The following AXL variants were observed in gnomAD, a reference collection of about 807,000 sequenced individuals.
AXL encodes AXL receptor tyrosine kinase, also known as tyrosine-protein kinase receptor UFO.
Under a neutral mutation model 104.5 loss-of-function variants are expected in AXL, and 52 were observed. The ratio of observed to expected loss-of-function variants is 0.50; its 90% CI spans 0.40 to 0.63. The LOEUF is 0.63. AXL is among the 20% of genes least tolerant of loss of function. The pLI is 0.00. For missense variants in AXL, 1,024 were observed against 1,188.5 expected (o/e 0.86, Z 2.04); for synonymous variants, 455 against 473.7 (o/e 0.96, Z 0.51).
At chr19:41,223,539 G>T (rs1245904201) in intron 4 of AXL, among the ~76,000 whole-genome samples, 1 of 152,190 alleles carries the variant, frequency 6.6e-6, no homozygotes, top group Non-Finnish European at 1.5e-5. Flanking sequence ...AGCCTGGAGG[G>T]CATCAGCTTC....
At chr19:41,242,407 T>A (rs2122245643) in intron 10 of AXL, among the ~76,000 whole-genome samples, 1 of 132,924 alleles carries the variant, frequency 7.5e-6, no homozygotes, top group South Asian at 2.5e-4. Context: ...CACTGAAACC[T>A]CCACCTCCCA....
intron 4 of AXL, among the ~76,000 whole-genome samples, chr19:41,230,546 CTGTGTGTA>C (rs2033965245): frequency 7.8e-6 from 1 of 128,336 alleles, no homozygotes; most frequent in African/African-American, 3.0e-5. Context: ...GTCTGTGTGT[CTGTGTGTA>C]TGAGTGTGTG....
chr19:41,255,300 CTCTTTCTTTCTTTT>C (rs2034434594), intron 17 of AXL, among the ~76,000 whole-genome samples: 1 of 151,606 alleles, frequency 6.6e-6, no homozygotes, highest in Non-Finnish European at 1.5e-5. Context: ...TTCTTTTTTT[CTCTTTCTTTCTTTT>C]TCTTTCTTTT....
intron 11 of AXL, 121 bp from the exon 12 acceptor site, chr19:41,243,495 C>T: frequency 1.2e-6 from 1 of 800,884 alleles, no homozygotes; most frequent in African/African-American, 1.7e-5. Context: ...GCATGCTCAG[C>T]AAATGTTAGC....
chr19:41,233,116 A>T (rs886198255), intron 6 of AXL, among the ~76,000 whole-genome samples: 10 of 151,290 alleles, frequency 6.6e-5, no homozygotes, highest in Non-Finnish European at 1.2e-4. Context: ...CAGCCTCCTG[A>T]GTAGCTGGTA....
chr19:41,225,637 C>G (rs528271124), intron 4 of AXL, among the ~76,000 whole-genome samples: 17 of 152,262 alleles, frequency 1.1e-4, no homozygotes, highest in Admixed American at 3.3e-4. Context: ...GTTTGTCCCA[C>G]GTTGGCTTGT....
intron 4 of AXL, 85 bp from the exon 5 acceptor site, chr19:41,230,882 G>A (rs900132386): frequency 2.1e-6 from 3 of 1,422,740 alleles, no homozygotes; most frequent in South Asian, 2.3e-5. Flanking sequence ...GGTCAGGCAG[G>A]CCATGGTAGG....
At chr19:41,247,085 T>C (rs1341874254) in intron 12 of AXL, among the ~76,000 whole-genome samples, 1 of 152,192 alleles carries the variant, frequency 6.6e-6, no homozygotes, top group East Asian at 1.9e-4. Flanking sequence ...GAATATACTA[T>C]GTGATTCCAT....
Position 41,219,396 on chromosome 19 carries a change from G to A in AXL, c.4G>A (p.Ala2Thr). 2.5e-6 allele frequency: 4 copies of A among 1,596,748 alleles called. No homozygotes were observed. Among genetic ancestry groups the A allele is most frequent in the Non-Finnish European group, 3.4e-6 (4 of 1,172,208 alleles). M[A>T]WRCPRMGRVP... Reference sequence around the variant, plus strand: ...TTCTGAGGAAAGTTTGGCACCCATGGCGTGGCGGTGCCCCAGGATGGGCAG... The same window carrying A: ...TTCTGAGGAAAGTTTGGCACCCATGACGTGGCGGTGCCCCAGGATGGGCAG... The change falls in exon 1 of 20, where the codon GCG becomes ACG. Residue 2 changes from alanine to threonine, a missense_variant. By Grantham distance (58) the Ala-to-Thr change is moderately conservative. This residue lies in a region of AXL where 124 missense variants were observed against 115.5 expected (regional missense o/e 1.07). Coordinates refer to ENST00000301178, the MANE Select transcript of AXL (RefSeq NM_021913.5).
intron 19 of AXL, among the ~76,000 whole-genome samples, chr19:41,258,674 C>G (rs780570828): frequency 2.0e-5 from 3 of 152,186 alleles, no homozygotes; most frequent in Non-Finnish European, 4.4e-5. Context: ...TCCCAGCCTC[C>G]CAAAGTGCTG....
At position 41,247,609 on chromosome 19, in the gene AXL, G is replaced by C. The variant is rs576047404; in HGVS notation, c.1538-905G>C. ...TTGTGTGTGTGTTTTGTTTGAGATGGGGTCTTGCTCTGTCACCCAGGCTGG... is the reference window on the plus strand; with the variant it reads ...TTGTGTGTGTGTTTTGTTTGAGATGCGGTCTTGCTCTGTCACCCAGGCTGG... On this transcript the variant is annotated intron_variant, in intron 12 of 19. Coordinates refer to ENST00000301178, the MANE Select transcript of AXL (RefSeq NM_021913.5). Among the ~76,000 whole-genome samples, 5 of 152,302 alleles carry C rather than the reference G, an allele frequency of 3.3e-5. 1 individual carries two copies. Among genetic ancestry groups the C allele is most frequent in the African/African-American group, 1.2e-4 (5 of 41,560 alleles).
intron 12 of AXL, among the ~76,000 whole-genome samples, chr19:41,245,234 G>GC (rs1014844997): frequency 7.2e-5 from 11 of 152,148 alleles, no homozygotes; most frequent in African/African-American, 2.7e-4. Context: ...ACTCTGAACT[G>GC]CCACACTCTA....
At chr19:41,224,108 G>A (rs8110936) in intron 4 of AXL, among the ~76,000 whole-genome samples, 1,543 of 151,992 alleles carry the variant, frequency 0.01, 36 homozygotes, top group African/African-American at 0.035. Flanking sequence ...GTGTGTGTGC[G>A]CATGATGGAG....
Position 41,231,203 on chromosome 19 carries a change from A to C in AXL, c.688A>C (p.Asn230His). 1 of 1,613,556 alleles carries C rather than the reference A, an allele frequency of 6.2e-7. No individual in the cohort carries two copies. Among genetic ancestry groups the C allele is most frequent in the Non-Finnish European group, 8.5e-7 (1 of 1,179,722 alleles). ...TITVLPQQPRNLHLVSRQPTE... is the reference protein window; with the variant it reads ...TITVLPQQPRHLHLVSRQPTE... Reference sequence around the variant, plus strand: ...CACAGTGCTCCCCCAGCAGCCCCGTAACCTCCACCTGGTCTCCCGCCAACC... The same window carrying C: ...CACAGTGCTCCCCCAGCAGCCCCGTCACCTCCACCTGGTCTCCCGCCAACC... The change falls in exon 6 of 20, where the codon AAC becomes CAC. Residue 230 changes from asparagine to histidine, a missense_variant. Physicochemically the swap from Asn to His is moderately conservative, Grantham distance 68 (BLOSUM62 1). Around this residue, in one of 5 missense-constraint regions of AXL, gnomAD observed 332 missense variants for 343.9 expected, o/e 0.97. Coordinates refer to ENST00000301178, the MANE Select transcript of AXL (RefSeq NM_021913.5).
chr19:41,243,275 C>T (rs2034214834), intron 11 of AXL, among the ~76,000 whole-genome samples: 2 of 152,152 alleles, frequency 1.3e-5, no homozygotes, highest in African/African-American at 4.8e-5. Context: ...CAAAAATTAG[C>T]GGGAAGTGTA....
chr19:41,219,546 G>A (rs2033747259), intron 1 of AXL, 69 bp downstream of exon 1: 5 of 1,502,360 alleles, frequency 3.3e-6, no homozygotes, highest in South Asian at 1.2e-5. Context: ...GGAGGTGGGG[G>A]ATGATGGCAG....
intron 10 of AXL, 57 bp from the exon 11 acceptor site, chr19:41,242,826 C>A: frequency 6.2e-7 from 1 of 1,605,882 alleles, no homozygotes; most frequent in Non-Finnish European, 8.5e-7. Context: ...CCCTTTGGGT[C>A]CCAGAGAGCT....
chr19:41,256,503 G>T lies in AXL; in HGVS notation c.2088G>T (p.Lys696Asn), dbSNP rs2034454653. ...VCVADFGLSK[K>N]IYNGDYYRQG... The stretch of plus-strand genomic sequence containing the variant: ...TGGCGGACTTCGGGCTCTCCAAGAA[G>T]ATCTACAATGGGGACTACTACCGCC... Residue 696 changes from lysine (K) to asparagine (N), a missense_variant, in exon 18 of 20, where the codon AAG becomes AAT. This residue lies in a region of AXL where 523 missense variants were observed against 636.0 expected (regional missense o/e 0.82). Transcript: ENST00000301178. 3 of 1,614,190 alleles carry T rather than the reference G, an allele frequency of 1.9e-6. No individual in the cohort carries two copies. Among genetic ancestry groups the T allele is most frequent in the Non-Finnish European group, 2.5e-6 (3 of 1,180,030 alleles).
chr19:41,219,519 G>C (rs1280530525), intron 1 of AXL, 42 bp downstream of exon 1: 1 of 1,569,962 alleles, frequency 6.4e-7, no homozygotes, highest in Non-Finnish European at 8.6e-7. Flanking sequence ...CCCCTCGGAG[G>C]GGCTGGGGCA....
Sources: allele counts gnomAD v4.1 joint callset (sites outside exome capture counted in the v4.1 genomes callset), GRCh38; gene constraint gnomAD v4.1.1; regional missense constraint gnomAD v4.1.1; transcripts MANE v1.5; gene names NCBI Gene and HGNC (gene_info 2026-07-23, HGNC 2026-07-21).